The following KCNMA1 variants were observed in gnomAD, a reference collection of about 807,000 sequenced individuals.
The protein encoded by KCNMA1 is potassium calcium-activated channel subfamily M alpha 1.
Under a neutral mutation model 140.0 loss-of-function variants are expected in KCNMA1, and 29 were observed. The ratio of observed to expected loss-of-function variants is 0.21; its 90% CI spans 0.15 to 0.28. The LOEUF is 0.28. Ranked by LOEUF, KCNMA1 falls within the 10% of genes least tolerant of loss-of-function variation. The pLI, the probability that KCNMA1 is intolerant of heterozygous loss-of-function variation, is 1.00. For synonymous variants in KCNMA1, 612 were observed against 611.9 expected, an observed-to-expected ratio of 1.00 and a Z score of 0.00; for missense variants, 880 against 1,602.2, an observed-to-expected ratio of 0.55 and a Z score of 7.70.
chr10:77,282,355 A>G (rs1323070786), intron 2 of KCNMA1, among the ~76,000 whole-genome samples: 1 of 152,086 alleles, frequency 6.6e-6, no homozygotes, highest in Admixed American at 6.5e-5. Flanking sequence ...TGGACTTTGC[A>G]AATTCTGTTT....
chr10:77,321,958 G>GT (rs2082464644), intron 2 of KCNMA1, among the ~76,000 whole-genome samples: 1 of 152,200 alleles, frequency 6.6e-6, no homozygotes, highest in South Asian at 2.1e-4. Context: ...TTATGCTGCA[G>GT]TAACAACTAA....
Position 76,951,932 on chromosome 10 carries a change from G to A in KCNMA1, c.2484+1869C>T. ...GCTCTGTGAGAGCAGTCGTTGTCAG[G>A]GATTGCATCTCCAGTAACTAGAATG... On this transcript the variant is annotated intron_variant, in intron 21 of 27. Transcript: ENST00000286628. 3.6e-6 allele frequency: 4 copies of A among 1,105,014 alleles called. No homozygotes were observed. In the South Asian group the frequency reaches 5.7e-5, roughly 16 times the overall value. The allele number at this position is 1,105,014 out of a possible 1,614,324, so 68.5% of individuals were successfully genotyped here.
chr10:77,430,297 A>G (rs552150118), intron 1 of KCNMA1, among the ~76,000 whole-genome samples: 1 of 152,226 alleles, frequency 6.6e-6, no homozygotes, highest in East Asian at 1.9e-4. Flanking sequence ...CCTCTACTCT[A>G]TGTTTACTTT....
intron 14 of KCNMA1, among the ~76,000 whole-genome samples, chr10:77,047,653 T>C (rs144410137): frequency 2.0e-5 from 3 of 151,152 alleles, no homozygotes; most frequent in African/African-American, 4.9e-5. Flanking sequence ...CTCTCCAATA[T>C]AGAAAAGGTG....
chr10:77,344,830 G>A (rs1277002619), intron 2 of KCNMA1, among the ~76,000 whole-genome samples: 1 of 151,920 alleles, frequency 6.6e-6, no homozygotes, highest in Non-Finnish European at 1.5e-5. Flanking sequence ...TATAAGGTGG[G>A]TAAAGACGGA....
At chr10:77,406,852 C>T (rs1185574562) in intron 1 of KCNMA1, among the ~76,000 whole-genome samples, 2 of 152,106 alleles carry the variant, frequency 1.3e-5, no homozygotes, top group African/African-American at 4.8e-5. Context: ...CACGTGGGGA[C>T]CTGGAAGATA....
intron 10 of KCNMA1, 78 bp downstream of exon 10, chr10:77,090,322 A>G: frequency 7.0e-6 from 7 of 993,400 alleles, no homozygotes; most frequent in Non-Finnish European, 1.1e-5. Context: ...CAAGACCTCC[A>G]CTCTTACAGA....
intron 19 of KCNMA1, among the ~76,000 whole-genome samples, chr10:76,983,592 T>G (rs1329429207): frequency 1.3e-5 from 2 of 152,090 alleles, no homozygotes; most frequent in African/African-American, 2.4e-5. Context: ...CTGGGCATGG[T>G]GGCATATGCC....
chr10:77,308,123 A>G (rs1284799818), intron 2 of KCNMA1, among the ~76,000 whole-genome samples: 1 of 152,216 alleles, frequency 6.6e-6, no homozygotes, highest in Non-Finnish European at 1.5e-5. Flanking sequence ...GACTGGGCCC[A>G]GAAGAGAGGA....
chr10:77,580,731 A>G (rs1163901402), intron 1 of KCNMA1, among the ~76,000 whole-genome samples: 2 of 152,218 alleles, frequency 1.3e-5, no homozygotes, highest in African/African-American at 4.8e-5. Context: ...GGCAGAGACC[A>G]AAGTCCAGAC....
intron 23 of KCNMA1, among the ~76,000 whole-genome samples, chr10:76,921,376 T>A (rs1382191044): frequency 6.6e-6 from 1 of 152,164 alleles, no homozygotes; most frequent in African/African-American, 2.4e-5. Flanking sequence ...TTCCTGTTAA[T>A]GCCAGGGAAA....
intron 3 of KCNMA1, among the ~76,000 whole-genome samples, chr10:77,226,639 C>A (rs1374134413): frequency 6.6e-6 from 1 of 152,098 alleles, no homozygotes; most frequent in African/African-American, 2.4e-5. Flanking sequence ...CATTTCAAAC[C>A]CTTCCCAGGG....
At chr10:77,213,547 G>A (rs931309938) in intron 3 of KCNMA1, among the ~76,000 whole-genome samples, 1 of 152,152 alleles carries the variant, frequency 6.6e-6, no homozygotes, top group Non-Finnish European at 1.5e-5. Flanking sequence ...GTTAGGGTTG[G>A]AGAATGTCTG....
At chr10:77,355,799 CCTAA>C (rs959502385) in intron 2 of KCNMA1, among the ~76,000 whole-genome samples, 7 of 152,266 alleles carry the variant, frequency 4.6e-5, no homozygotes, top group East Asian at 1.9e-4. Context: ...AATGAAAGCA[CCTAA>C]CTAATACTAA....
intron 5 of KCNMA1, among the ~76,000 whole-genome samples, chr10:77,162,874 A>G (rs2098581109): frequency 6.6e-6 from 1 of 152,206 alleles, no homozygotes; most frequent in African/African-American, 2.4e-5. Flanking sequence ...GCATACATCA[A>G]TTAAACAGAC....
chr10:77,558,177 C>T (rs2154558337), intron 1 of KCNMA1, among the ~76,000 whole-genome samples: 1 of 152,230 alleles, frequency 6.6e-6, no homozygotes, highest in East Asian at 1.9e-4. Flanking sequence ...AAAGTGGGTT[C>T]TTGCTTCTTC....
chr10:77,211,326 A>G (rs911066736), intron 3 of KCNMA1, among the ~76,000 whole-genome samples: 1 of 152,190 alleles, frequency 6.6e-6, no homozygotes, highest in African/African-American at 2.4e-5. Context: ...CTGATTTTCA[A>G]CAAGGCTGAC....
intron 1 of KCNMA1, among the ~76,000 whole-genome samples, chr10:77,487,629 G>A (rs758015211): frequency 7.9e-5 from 12 of 152,184 alleles, no homozygotes; most frequent in Non-Finnish European, 1.6e-4. Flanking sequence ...TCACTGTACT[G>A]TGAGTTCCTT....
intron 1 of KCNMA1, among the ~76,000 whole-genome samples, chr10:77,595,944 C>T (rs2080819768): frequency 6.6e-6 from 1 of 152,176 alleles, no homozygotes; most frequent in Non-Finnish European, 1.5e-5. Flanking sequence ...GCCACTGCCC[C>T]CAGCCCAGAT....
Sources: allele counts gnomAD v4.1 joint callset (sites outside exome capture counted in the v4.1 genomes callset), GRCh38; gene constraint gnomAD v4.1.1; transcripts MANE v1.5; gene names NCBI Gene and HGNC (gene_info 2026-07-23, HGNC 2026-07-21).